The following OSBPL1A variants were observed in gnomAD, a reference collection of about 807,000 sequenced individuals.
The protein encoded by OSBPL1A is oxysterol-binding protein-related protein 1.
A neutral mutation model predicts 137.1 loss-of-function variants in OSBPL1A; 80 were observed. The ratio of observed to expected loss-of-function variants is 0.58; its 90% confidence interval spans 0.49 to 0.70. The LOEUF is 0.70. Among genes scored for constraint, OSBPL1A ranks in the 30% least tolerant of loss-of-function variants. OSBPL1A has a pLI of 0.00. For synonymous variants in OSBPL1A, 365 were observed against 389.7 expected, an observed-to-expected ratio of 0.94 and a Z score of 0.75; for missense variants, 970 against 1,129.4, an observed-to-expected ratio of 0.86 and a Z score of 2.02.
chr18:24,351,687 G>A (rs2091444263), intron 4 of OSBPL1A, among the ~76,000 whole-genome samples: 1 of 152,084 alleles, frequency 6.6e-6, no homozygotes, highest in Admixed American at 6.6e-5. Flanking sequence ...TTATAGGTGT[G>A]TGCCACCATG....
intron 17 of OSBPL1A, among the ~76,000 whole-genome samples, chr18:24,198,391 A>G (rs371988752): frequency 4.6e-5 from 7 of 152,318 alleles, no homozygotes; most frequent in Admixed American, 6.5e-5. Context: ...TCCTATACTC[A>G]TTTTTATGCA....
At chr18:24,215,314 G>A (rs1057098519) in intron 17 of OSBPL1A, among the ~76,000 whole-genome samples, 3 of 152,120 alleles carry the variant, frequency 2.0e-5, no homozygotes, top group Non-Finnish European at 2.9e-5. Context: ...AATCCTGGCT[G>A]AACACTGTGC....
chr18:24,217,216 G>T (rs1349593455), intron 17 of OSBPL1A, among the ~76,000 whole-genome samples: 1 of 151,208 alleles, frequency 6.6e-6, no homozygotes, highest in African/African-American at 2.4e-5. Flanking sequence ...TTATAAGGAG[G>T]TGTTAGGAAG....
Position 24,191,260 on chromosome 18 carries a change from A to T in OSBPL1A, c.1677+4865T>A, listed in dbSNP as rs142912574. 2.5e-3 allele frequency among the ~76,000 whole-genome samples: 382 copies of T among 152,368 alleles called. 3 individuals carry two copies. The highest frequency in any genetic ancestry group is 0.024 in the Middle Eastern group (7 of 294). ...GGAGTCCTAATTGAGTTGTTAGCTTATAAATCACACACACAAAAATTCTGT... is the reference window on the plus strand; with the variant it reads ...GGAGTCCTAATTGAGTTGTTAGCTTTTAAATCACACACACAAAAATTCTGT... On this transcript the variant is annotated intron_variant, in intron 18 of 27. Coordinates refer to ENST00000319481, the MANE Select transcript of OSBPL1A (RefSeq NM_080597.4).
chr18:24,246,786 G>A (rs1033639701), intron 15 of OSBPL1A, among the ~76,000 whole-genome samples: 1 of 80,764 alleles, frequency 1.2e-5, no homozygotes, highest in Non-Finnish European at 2.3e-5. Flanking sequence ...GTGAGACTCT[G>A]TCTCCCAAAA....
chr18:24,316,167 C>G (rs547246140), intron 11 of OSBPL1A, among the ~76,000 whole-genome samples: 1 of 151,938 alleles, frequency 6.6e-6, no homozygotes, highest in African/African-American at 2.4e-5. Flanking sequence ...GAGGCTGAGG[C>G]AGAGAACTGC....
At chr18:24,288,708 C>T (rs1271065302) in intron 14 of OSBPL1A, among the ~76,000 whole-genome samples, 1 of 149,266 alleles carries the variant, frequency 6.7e-6, no homozygotes, top group African/African-American at 2.5e-5. Context: ...GCGGAGGTTG[C>T]AGTGAGCCGA....
At chr18:24,341,451 C>T in intron 5 of OSBPL1A, 96 bp downstream of exon 5, 1 of 775,256 alleles carries the variant, frequency 1.3e-6, no homozygotes, top group South Asian at 1.6e-5. Context: ...AGCTGGTTAT[C>T]CTCTGTTTTG....
intron 16 of OSBPL1A, among the ~76,000 whole-genome samples, chr18:24,228,009 A>T (rs1399224953): frequency 6.6e-6 from 1 of 152,158 alleles, no homozygotes; most frequent in African/African-American, 2.4e-5. Context: ...AAGCAGACAT[A>T]AACATTAAAC....
intron 4 of OSBPL1A, among the ~76,000 whole-genome samples, chr18:24,349,096 G>T (rs928891937): frequency 6.6e-6 from 1 of 152,134 alleles, no homozygotes; most frequent in Non-Finnish European, 1.5e-5. Context: ...GAGCCCAGGA[G>T]GTCGAGGCTG....
intron 15 of OSBPL1A, among the ~76,000 whole-genome samples, chr18:24,249,232 C>G (rs1473125036): frequency 6.6e-6 from 1 of 152,200 alleles, no homozygotes; most frequent in Non-Finnish European, 1.5e-5. Flanking sequence ...GGATTATATT[C>G]CTAAAAGTAC....
chr18:24,247,810 T>TA (rs1297260993), intron 15 of OSBPL1A, among the ~76,000 whole-genome samples: 2 of 151,902 alleles, frequency 1.3e-5, no homozygotes, highest in Admixed American at 6.6e-5. Context: ...TTTTAAAAAC[T>TA]AAAAAAAGAA....
intron 4 of OSBPL1A, among the ~76,000 whole-genome samples, chr18:24,360,004 G>A (rs2091597479): frequency 6.6e-6 from 1 of 152,124 alleles, no homozygotes; most frequent in Non-Finnish European, 1.5e-5. Flanking sequence ...TTTCGCTGTG[G>A]TCACCCAGGC....
intron 13 of OSBPL1A, among the ~76,000 whole-genome samples, chr18:24,307,087 C>G (rs1217642817): frequency 1.8e-5 from 2 of 109,914 alleles, no homozygotes; most frequent in South Asian, 2.6e-4. Context: ...GAGACCTAAT[C>G]TCTACAAAAA....
chr18:24,359,184 C>T (rs2091583521), intron 4 of OSBPL1A, among the ~76,000 whole-genome samples: 2 of 152,000 alleles, frequency 1.3e-5, no homozygotes. Flanking sequence ...CACCACTGTA[C>T]TCCAGCCTTG....
intron 18 of OSBPL1A, among the ~76,000 whole-genome samples, chr18:24,185,908 A>T (rs1458890683): frequency 1.3e-5 from 2 of 152,050 alleles, no homozygotes; most frequent in Admixed American, 1.3e-4. Flanking sequence ...CTCTACAAAA[A>T]ATTTAGAAAA....
At chr18:24,282,841 G>A (rs1237276751) in intron 14 of OSBPL1A, among the ~76,000 whole-genome samples, 1 of 152,154 alleles carries the variant, frequency 6.6e-6, no homozygotes, top group Non-Finnish European at 1.5e-5. Context: ...AGGCATGGTG[G>A]CTTATGTGTG....
At chr18:24,340,692 G>C (rs1271532371) in intron 5 of OSBPL1A, among the ~76,000 whole-genome samples, 1 of 152,130 alleles carries the variant, frequency 6.6e-6, no homozygotes, top group African/African-American at 2.4e-5. Flanking sequence ...TGTAATCCCA[G>C]TTACTTGGGA....
intron 15 of OSBPL1A, among the ~76,000 whole-genome samples, chr18:24,266,790 G>A (rs1031507003): frequency 6.7e-6 from 1 of 149,964 alleles, no homozygotes; most frequent in Non-Finnish European, 1.5e-5. Flanking sequence ...AGCTAACAGT[G>A]ATACATTCAC....
Sources: allele counts gnomAD v4.1 joint callset (sites outside exome capture counted in the v4.1 genomes callset), GRCh38; gene constraint gnomAD v4.1.1; transcripts MANE v1.5; gene names NCBI Gene and HGNC (gene_info 2026-07-23, HGNC 2026-07-21).